The following TMEM135 variants were observed in gnomAD, a reference collection of about 807,000 sequenced individuals.
TMEM135 encodes the protein peroxisomal membrane protein 52.
Under a neutral mutation model 60.3 loss-of-function variants are expected in TMEM135, and 30 were observed. That is an observed-to-expected ratio of 0.50 (90% CI 0.37 to 0.68). TMEM135 has a LOEUF of 0.68. TMEM135 is among the 30% of genes least tolerant of loss of function. The pLI is 0.00. For synonymous variants in TMEM135, 190 were observed against 186.7 expected (o/e 1.02, Z -0.14); for missense variants, 468 against 548.8 (o/e 0.85, Z 1.47).
intron 1 of TMEM135, among the ~76,000 whole-genome samples, chr11:87,038,520 G>T (rs1434522893): frequency 2.0e-5 from 3 of 151,552 alleles, no homozygotes; most frequent in Non-Finnish European, 4.4e-5. Flanking sequence ...CCTCTGGCCT[G>T]CCTTGTGATG....
intron 1 of TMEM135, among the ~76,000 whole-genome samples, chr11:87,054,309 C>T (rs901802746): frequency 6.6e-6 from 1 of 152,092 alleles, no homozygotes; most frequent in Non-Finnish European, 1.5e-5. Flanking sequence ...GTGGCGTGTG[C>T]CTGTAATCCC....
chr11:87,308,504 T>C (rs1380201916), intron 9 of TMEM135, among the ~76,000 whole-genome samples: 1 of 151,538 alleles, frequency 6.6e-6, no homozygotes, highest in African/African-American at 2.4e-5. Flanking sequence ...TAGTAATTAA[T>C]TTTTTTTTCT....
intron 5 of TMEM135, among the ~76,000 whole-genome samples, chr11:87,223,155 A>G (rs1940680383): frequency 6.7e-6 from 1 of 148,480 alleles, no homozygotes; most frequent in African/African-American, 2.4e-5. Flanking sequence ...ATGGAGTTGA[A>G]AAGCACTTTT....
In TMEM135 at chr11:87,290,382, C is replaced by T. The variant is rs539665365; in HGVS notation, c.510-5400C>T. On this transcript the variant is annotated intron_variant, in intron 6 of 14. Coordinates refer to ENST00000305494, the MANE Select transcript of TMEM135 (RefSeq NM_022918.4). The stretch of plus-strand genomic sequence containing the variant: ...AATGTACTTTAATTAAGATTAGTAA[C>T]ATTTTTGCATCCCTATAAATGTGTT... Among the ~76,000 whole-genome samples the T allele has an allele frequency of 1.2e-4, 18 of 152,210 alleles. No homozygotes were observed. In the South Asian group the frequency reaches 3.5e-3, roughly 30 times the overall value.
At position 87,247,331 on chromosome 11, in the gene TMEM135, G is replaced by A. The variant is rs973697950; in HGVS notation, c.509+10647G>A. 3.9e-5 allele frequency among the ~76,000 whole-genome samples: 6 copies of A among 152,356 alleles called. No individual in the cohort carries two copies. The Middle Eastern group carries it at 0.01, about 259-fold the overall frequency. ...AGGGACCCACTTAAGGAGGCAGTCT[G>A]CCCGTTCTCAGATCTCCAGCTGTGT... On this transcript the variant is annotated intron_variant, in intron 6 of 14. Coordinates refer to ENST00000305494, the MANE Select transcript of TMEM135 (RefSeq NM_022918.4).
At chr11:87,153,454 A>G (rs1023204670) in intron 4 of TMEM135, among the ~76,000 whole-genome samples, 1 of 152,282 alleles carries the variant, frequency 6.6e-6, no homozygotes, top group Admixed American at 6.5e-5. Context: ...GTCAGCAAGT[A>G]TTACTGTCAT....
intron 6 of TMEM135, among the ~76,000 whole-genome samples, chr11:87,251,145 C>G (rs1364137452): frequency 6.6e-6 from 1 of 151,988 alleles, no homozygotes; most frequent in Non-Finnish European, 1.5e-5. Flanking sequence ...TAATGGGTAA[C>G]AGTTGGGTAT....
At chr11:87,114,342 G>C (rs1004905238) in intron 4 of TMEM135, among the ~76,000 whole-genome samples, 1 of 152,096 alleles carries the variant, frequency 6.6e-6, no homozygotes, top group Non-Finnish European at 1.5e-5. Context: ...AAAAAATGTA[G>C]ATATCATTTG....
At chr11:87,116,628 C>G (rs1591030790) in intron 4 of TMEM135, among the ~76,000 whole-genome samples, 1 of 133,488 alleles carries the variant, frequency 7.5e-6, no homozygotes, top group Non-Finnish European at 1.6e-5. Flanking sequence ...CACACACACA[C>G]ATACACACAC....
chr11:87,328,549 G>C lies in TMEM135; in HGVS notation c.*7216G>C. On this transcript the variant is annotated 3_prime_UTR_variant, in exon 15 of 15. Transcript: ENST00000305494. ...CCATTATATCACTCTGTATACCCTT[G>C]TGTATCCATAGCTTAGCTCCCACTT... 6.6e-6 allele frequency: 3 copies of C among 453,958 alleles called. No individual in the cohort carries two copies. The highest frequency in any genetic ancestry group is 4.7e-5 in the South Asian group (3 of 64,476). The allele number at this position is 453,958 out of a possible 1,614,324, so 28.1% of individuals were successfully genotyped here. A position where few individuals can be genotyped will look rare whatever the true frequency, so the allele number is the denominator to read the frequency against.
rs12276145 is a variant in TMEM135, at chr11:87,326,160, T to C, written c.*4827T>C. 143,754 of 453,510 alleles carry C rather than the reference T, an allele frequency of 0.32. 24,971 individuals are homozygous for C. The highest frequency in any genetic ancestry group is 0.38 in the Non-Finnish European group (85,880 of 226,640). The allele number at this position is 453,510 out of a possible 1,614,324, so 28.1% of individuals were successfully genotyped here. ...CCCAGCCTGCTGCCTCTGCAGAGCA[T>C]AACATTCTAATCTTGTCAGACCGTG... On this transcript the variant is annotated 3_prime_UTR_variant, in exon 15 of 15. Coordinates refer to ENST00000305494, the MANE Select transcript of TMEM135 (RefSeq NM_022918.4).
rs1942913277 is a variant in TMEM135, at chr11:87,326,389, TA to T, written c.*5057del. ...CTAGGACCAGTTAATTTTCGAAGTC[TA>T]GTTCTTCAGTGTCTATTAAACTTTT... On this transcript the variant is annotated 3_prime_UTR_variant, in exon 15 of 15. Coordinates refer to ENST00000305494, the MANE Select transcript of TMEM135 (RefSeq NM_022918.4). 1 of 454,020 alleles carries T rather than the reference TA, an allele frequency of 2.2e-6. No homozygotes were observed. The highest frequency in any genetic ancestry group is 4.4e-6 in the Non-Finnish European group (1 of 226,800). The allele number at this position is 454,020 out of a possible 1,614,324, so 28.1% of individuals were successfully genotyped here.
intron 6 of TMEM135, among the ~76,000 whole-genome samples, chr11:87,266,924 A>G (rs1339554442): frequency 6.6e-6 from 1 of 152,204 alleles, no homozygotes; most frequent in African/African-American, 2.4e-5. Context: ...TAGTTGCCTC[A>G]TTATAGGCAT....
intron 5 of TMEM135, among the ~76,000 whole-genome samples, chr11:87,230,531 GTAT>G (rs778702102): frequency 2.3e-4 from 35 of 152,172 alleles, no homozygotes; most frequent in Non-Finnish European, 4.7e-4. Context: ...GTAATAGGTA[GTAT>G]TATATTGTTT....
intron 5 of TMEM135, among the ~76,000 whole-genome samples, chr11:87,168,582 C>T (rs1314102079): frequency 6.6e-6 from 1 of 152,138 alleles, no homozygotes; most frequent in African/African-American, 2.4e-5. Flanking sequence ...CATACAGGAG[C>T]AGGTTGTTCA....
intron 1 of TMEM135, among the ~76,000 whole-genome samples, chr11:87,066,791 T>G (rs538319731): frequency 6.2e-4 from 93 of 149,400 alleles, no homozygotes; most frequent in African/African-American, 2.2e-3. Flanking sequence ...TTCTTTTTTT[T>G]TTTTTTTTGA....
chr11:87,093,613 C>T (rs1275606110), intron 4 of TMEM135, among the ~76,000 whole-genome samples: 9 of 152,082 alleles, frequency 5.9e-5, no homozygotes, highest in African/African-American at 2.2e-4. Context: ...TCACTGCAAC[C>T]ACTGCCTCCT....
At chr11:87,312,016 T>G (rs117525184) in intron 10 of TMEM135, among the ~76,000 whole-genome samples, 144 of 151,960 alleles carry the variant, frequency 9.5e-4, no homozygotes, top group Non-Finnish European at 1.7e-3. Flanking sequence ...GGCCCTTTCT[T>G]TCTTATAGAA....
intron 5 of TMEM135, among the ~76,000 whole-genome samples, chr11:87,232,476 G>A (rs1217735238): frequency 1.3e-5 from 2 of 151,160 alleles, no homozygotes; most frequent in Non-Finnish European, 3.0e-5. Context: ...ACTACCCCAG[G>A]CACATCATAA....
Sources: gnomAD v4.1 joint callset for allele counts (sites outside exome capture counted in the v4.1 genomes callset) on GRCh38, gnomAD v4.1.1 for gene constraint, MANE v1.5 for transcripts, NCBI Gene and HGNC (gene_info 2026-07-23, HGNC 2026-07-21) for gene names.